The following SIGLECL1 variants were observed in gnomAD, a reference collection of about 807,000 sequenced individuals.
The protein encoded by SIGLECL1 is SIGLEC family like 1, also known as SIGLEC family-like protein 1.
A neutral mutation model predicts 19.1 loss-of-function variants in SIGLECL1; 16 were observed. The observed-to-expected ratio is 0.84, with a 90% CI of 0.57 to 1.27. The LOEUF is 1.27. SIGLECL1 is among the 50% of genes most tolerant of loss of function. SIGLECL1 has a pLI of 0.00. For synonymous variants in SIGLECL1, 89 were observed against 90.4 expected (o/e 0.98, Z 0.09); for missense variants, 210 against 239.4 (o/e 0.88, Z 0.81).
At chr19:51,265,212 A>G (rs1983548706) in intron 2 of SIGLECL1, among the ~76,000 whole-genome samples, 156 bp from the exon 3 acceptor site, 1 of 152,160 alleles carries the variant, frequency 6.6e-6, no homozygotes, top group African/African-American at 2.4e-5. Flanking sequence ...CAGAAGATAG[A>G]GGGGAACTGG....
At chr19:51,266,568 G>A (rs963805116) in intron 4 of SIGLECL1, among the ~76,000 whole-genome samples, 3 of 151,624 alleles carry the variant, frequency 2.0e-5, no homozygotes, top group Non-Finnish European at 4.4e-5. Context: ...AGGCATTTCA[G>A]ATAAGGGATA....
intron 4 of SIGLECL1, among the ~76,000 whole-genome samples, chr19:51,266,818 G>A (rs1467693044): frequency 2.6e-5 from 4 of 152,216 alleles, no homozygotes; most frequent in South Asian, 2.1e-4. Flanking sequence ...TGTCCAGACA[G>A]CTTGGACTGA....
intron 5 of SIGLECL1, among the ~76,000 whole-genome samples, chr19:51,268,216 G>C (rs1242900878): frequency 2.0e-5 from 3 of 152,164 alleles, no homozygotes; most frequent in African/African-American, 7.2e-5. Flanking sequence ...TGTCCTCAGA[G>C]AGCAACTAGA....
intron 1 of SIGLECL1, among the ~76,000 whole-genome samples, chr19:51,259,509 A>AT (rs1370560317): frequency 6.6e-6 from 1 of 152,220 alleles, no homozygotes; most frequent in Non-Finnish European, 1.5e-5. Context: ...CGTTTGCTTT[A>AT]TTTAGGCAGA....
At chr19:51,247,520 G>C (rs1982305178), upstream of SIGLECL1, among the ~76,000 whole-genome samples, 1 of 151,920 alleles carries the variant, frequency 6.6e-6, no homozygotes, top group African/African-American at 2.4e-5. Context: ...CTGGGTTCAA[G>C]CAATTCTCCT....
At chr19:51,247,255 C>G (rs115467503), upstream of SIGLECL1, among the ~76,000 whole-genome samples, 14 of 151,900 alleles carry the variant, frequency 9.2e-5, no homozygotes, top group African/African-American at 1.5e-4. Flanking sequence ...TTTTGACAAC[C>G]AAAAAAGGAC....
chr19:51,264,575 C>G (rs1983497340), intron 2 of SIGLECL1: 1 of 153,088 alleles, frequency 6.5e-6, no homozygotes, highest in Non-Finnish European at 1.5e-5. Context: ...TTCCAGTAAC[C>G]TCAAAAAACT....
At chr19:51,249,196 T>G (rs1215728613), upstream of SIGLECL1, among the ~76,000 whole-genome samples, 2 of 152,094 alleles carry the variant, frequency 1.3e-5, no homozygotes, top group Admixed American at 1.3e-4. Flanking sequence ...AGCCCCTTTC[T>G]AACTGCACCT....
In SIGLECL1 at chr19:51,267,395, C is replaced by G; in HGVS notation, c.433C>G (p.Gln145Glu). ...TAGAGTGAAACATATCAGAAAGAAG[C>G]AGGCGAAGAAAGCTGCAGCGATCAG... ...PLIVKHIRKKQAKKAAAIRAK... is the reference protein window; with the variant it reads ...PLIVKHIRKKEAKKAAAIRAK... Residue 145 changes from glutamine (Q) to glutamate (E), a missense_variant, in exon 5 of 6, where the codon CAG becomes GAG. Gln to Glu is a conservative substitution (Grantham distance 29). Transcript: ENST00000601727. 2 of 1,613,158 alleles carry G rather than the reference C, an allele frequency of 1.2e-6. No homozygotes were observed. Among genetic ancestry groups the G allele is most frequent in the Admixed American group, 1.7e-5 (1 of 59,996 alleles).
chr19:51,268,628 G>A lies in SIGLECL1; in HGVS notation c.*31G>A, dbSNP rs1199817392. ...TGGAACATGCCTCATACCTGGAGTC[G>A]CCATTATCCCTGGAATTACAAAGAT... On this transcript the variant is annotated 3_prime_UTR_variant, in exon 6 of 6. Coordinates refer to ENST00000601727, the MANE Select transcript of SIGLECL1 (RefSeq NM_001385465.1). 3.7e-6 allele frequency: 6 copies of A among 1,606,920 alleles called. No homozygotes were observed. The highest frequency in any genetic ancestry group is 2.7e-5 in the African/African-American group (2 of 74,174).
intron 2 of SIGLECL1, among the ~76,000 whole-genome samples, chr19:51,264,590 C>G (rs6509524): frequency 6.6e-6 from 1 of 151,886 alleles, no homozygotes; most frequent in Non-Finnish European, 1.5e-5. Flanking sequence ...AAAACTTCAA[C>G]GAAAAAGTGT....
At chr19:51,251,833 A>T (rs957998362) in intron 1 of SIGLECL1, among the ~76,000 whole-genome samples, 1 of 152,216 alleles carries the variant, frequency 6.6e-6, no homozygotes, top group Non-Finnish European at 1.5e-5. Context: ...GTCATTAGTA[A>T]GTCAGCCCTT....
At chr19:51,264,183 G>C in intron 2 of SIGLECL1, 89 bp downstream of exon 2, 1 of 1,478,648 alleles carries the variant, frequency 6.8e-7, no homozygotes. Context: ...ATGGGCTATG[G>C]AGGCATGGAG....
chr19:51,247,200 T>G (rs1238524875), upstream of SIGLECL1, among the ~76,000 whole-genome samples: 5 of 152,120 alleles, frequency 3.3e-5, no homozygotes, highest in Admixed American at 3.3e-4. Flanking sequence ...TTGAGCAGCG[T>G]CTCTAGGTTG....
At chr19:51,253,942 A>G (rs765078745) in intron 1 of SIGLECL1, among the ~76,000 whole-genome samples, 22 of 152,192 alleles carry the variant, frequency 1.4e-4, no homozygotes, top group Non-Finnish European at 2.8e-4. Flanking sequence ...CTACGTCTCT[A>G]GAGTTGTAAA....
chr19:51,262,446 C>T (rs964194933), intron 1 of SIGLECL1, among the ~76,000 whole-genome samples: 1 of 152,094 alleles, frequency 6.6e-6, no homozygotes, highest in Admixed American at 6.5e-5. Context: ...ATATGAATAA[C>T]CTAGTGAATA....
chr19:51,266,641 T>C (rs1253423313), intron 4 of SIGLECL1, among the ~76,000 whole-genome samples: 3 of 152,096 alleles, frequency 2.0e-5, no homozygotes, highest in Admixed American at 6.6e-5. Context: ...CTTTGTATAA[T>C]GTCAGGTGCA....
chr19:51,264,236 T>A (rs1983466607), intron 2 of SIGLECL1, 142 bp downstream of exon 2: 5 of 894,874 alleles, frequency 5.6e-6, no homozygotes, highest in Non-Finnish European at 8.5e-6. Context: ...TCAACATGAA[T>A]TAGACAGCTT....
In SIGLECL1 at chr19:51,263,938, C is replaced by A. The variant is rs1457037763; in HGVS notation, c.-135C>A. 1 of 1,123,234 alleles carries A rather than the reference C, an allele frequency of 8.9e-7. No homozygotes were observed. The highest frequency in any genetic ancestry group is 1.3e-6 in the Non-Finnish European group (1 of 780,562). 69.6% of individuals were successfully genotyped at this position (1,123,234 alleles called of 1,614,324 possible). A position where few individuals can be genotyped will look rare whatever the true frequency, so the allele number is the denominator to read the frequency against. On this transcript the variant is annotated 5_prime_UTR_variant, in exon 2 of 6. Coordinates refer to ENST00000601727, the MANE Select transcript of SIGLECL1 (RefSeq NM_001385465.1). ...GAAGCCCCTGACTTGGCTAAAGATACTTCTGCTCTCCCCATCCCCACATCC... is the reference window on the plus strand; with the variant it reads ...GAAGCCCCTGACTTGGCTAAAGATAATTCTGCTCTCCCCATCCCCACATCC...
Sources: allele counts gnomAD v4.1 joint callset (sites outside exome capture counted in the v4.1 genomes callset), GRCh38; gene constraint gnomAD v4.1.1; transcripts MANE v1.5; gene names NCBI Gene and HGNC (gene_info 2026-07-23, HGNC 2026-07-21).